The following C12orf50 variants were observed in gnomAD, a reference collection of about 807,000 sequenced individuals.
The protein encoded by C12orf50 is zinc finger CCCH-type containing 11D.
C12orf50 carries 35 observed loss-of-function variants against 61.6 expected under a neutral mutation model. That is an observed-to-expected ratio of 0.57 (90% CI 0.43 to 0.75). C12orf50 has a LOEUF of 0.75. Ranked by LOEUF, C12orf50 falls within the 30% of genes least tolerant of loss-of-function variation. The pLI is 0.00. For synonymous variants in C12orf50, 178 were observed against 161.5 expected, an observed-to-expected ratio of 1.10 and a Z score of -0.77; for missense variants, 475 against 488.5, an observed-to-expected ratio of 0.97 and a Z score of 0.26.
At chr12:88,011,093 A>G (rs2032091805) in intron 3 of C12orf50, among the ~76,000 whole-genome samples, 1 of 152,154 alleles carries the variant, frequency 6.6e-6, no homozygotes, top group Non-Finnish European at 1.5e-5. Flanking sequence ...GGGTGATCAC[A>G]TATATTTCAT....
Position 87,980,374 on chromosome 12 carries a change from A to G in C12orf50, c.1220-18T>C. The G allele has an allele frequency of 6.3e-7, 1 of 1,589,772 alleles. No individual in the cohort carries two copies. On this transcript the variant is annotated intron_variant, in intron 12 of 12. Transcript: ENST00000298699. ...TCTTGGCTCTAATAATAAAATACAC[A>G]AAATATTTCAATTATTTTCTTGTTT...
At chr12:87,986,547 C>G (rs940516573) in intron 9 of C12orf50, 131 bp from the exon 10 acceptor site, 6 of 519,600 alleles carry the variant, frequency 1.2e-5, no homozygotes, top group Middle Eastern at 5.1e-4. Context: ...CATCCTAACA[C>G]TTTACTTTTT....
intron 12 of C12orf50, among the ~76,000 whole-genome samples, chr12:87,981,593 GA>G (rs1371717641): frequency 8.5e-5 from 13 of 152,226 alleles, no homozygotes; most frequent in Admixed American, 3.9e-4. Flanking sequence ...CTCTCTGACA[GA>G]AGCAATCTGT....
intron 3 of C12orf50, among the ~76,000 whole-genome samples, chr12:88,004,271 C>T (rs545520209): frequency 2.4e-4 from 37 of 151,998 alleles, no homozygotes; most frequent in East Asian, 3.9e-4. Context: ...AAGACATATA[C>T]GCAGCCAACA....
intron 5 of C12orf50, 26 bp from the exon 6 acceptor site, chr12:87,996,513 G>A: frequency 6.3e-7 from 1 of 1,592,762 alleles, no homozygotes; most frequent in South Asian, 1.1e-5. Context: ...AAAAGTAATG[G>A]TTAGTATATT....
chr12:88,003,984 G>T (rs187939820), intron 3 of C12orf50, among the ~76,000 whole-genome samples: 2 of 150,606 alleles, frequency 1.3e-5, no homozygotes, highest in African/African-American at 4.9e-5. Flanking sequence ...TATAATCTCC[G>T]TTGATTTATC....
chr12:88,007,116 C>T (rs1030543156), intron 3 of C12orf50, among the ~76,000 whole-genome samples: 1 of 152,096 alleles, frequency 6.6e-6, no homozygotes, highest in Non-Finnish European at 1.5e-5. Flanking sequence ...ATCTAGTCAT[C>T]ACAATTTTTT....
At chr12:87,984,969 A>G (rs1343082224) in intron 11 of C12orf50, 3 of 152,170 alleles carry the variant, frequency 2.0e-5, no homozygotes, top group African/African-American at 4.8e-5. Flanking sequence ...ATACACATCC[A>G]TATATCATTC....
At chr12:88,015,844 T>A (rs2032293530) in intron 3 of C12orf50, among the ~76,000 whole-genome samples, 1 of 152,160 alleles carries the variant, frequency 6.6e-6, no homozygotes, top group South Asian at 2.1e-4. Flanking sequence ...ATAAAATATA[T>A]TTTAAAAGAG....
chr12:88,013,363 G>A (rs889083092), intron 3 of C12orf50, among the ~76,000 whole-genome samples: 4 of 152,080 alleles, frequency 2.6e-5, no homozygotes, highest in East Asian at 1.9e-4. Flanking sequence ...ATTCCTATAC[G>A]TACTAAATTT....
intron 6 of C12orf50, among the ~76,000 whole-genome samples, chr12:87,995,518 C>T (rs895164456): frequency 1.3e-5 from 2 of 151,932 alleles, no homozygotes; most frequent in African/African-American, 4.8e-5. Flanking sequence ...AAAATGCTAA[C>T]GTTTGAAGGA....
intron 3 of C12orf50, among the ~76,000 whole-genome samples, chr12:88,012,193 G>C (rs1397542318): frequency 6.6e-6 from 1 of 152,186 alleles, no homozygotes; most frequent in Non-Finnish European, 1.5e-5. Context: ...ACTTATGAGA[G>C]ACTACTATAT....
At chr12:87,983,937 T>C (rs1296606336) in intron 11 of C12orf50, 1 of 117,232 alleles carries the variant, frequency 8.5e-6, no homozygotes, top group Non-Finnish European at 2.1e-5. Flanking sequence ...ATGGTATTTC[T>C]AGTTCTAGAT....
intron 1 of C12orf50, among the ~76,000 whole-genome samples, 160 bp from the exon 2 acceptor site, chr12:88,027,230 TTAGTC>T (rs761390829): frequency 6.6e-6 from 1 of 152,204 alleles, no homozygotes; most frequent in Non-Finnish European, 1.5e-5. Flanking sequence ...TTTTAGCAAA[TTAGTC>T]TAACTTTAGT....
Position 87,986,041 on chromosome 12 carries a change from G to T in C12orf50, c.935C>A (p.Pro312Gln), listed in dbSNP as rs1378938076. ...ATAACTCATTTTATTTTGGGGTCTT[G>T]GGGCCTGTACTGCTGTAAAGAAAGG... Reference protein sequence around the residue: ...NSGMQRAVQAPRPQNKMSYHR... With the variant: ...NSGMQRAVQAQRPQNKMSYHR... Residue 312 changes from proline to glutamine, a missense_variant, in exon 11 of 13, where the codon CCA becomes CAA. By Grantham distance (76) the Pro-to-Gln change is moderately conservative. Coordinates refer to ENST00000298699, the MANE Select transcript of C12orf50 (RefSeq NM_152589.3). 1.9e-6 allele frequency: 3 copies of T among 1,613,564 alleles called. No individual in the cohort carries two copies. Among genetic ancestry groups the T allele is most frequent in the Non-Finnish European group, 2.5e-6 (3 of 1,179,772 alleles).
chr12:88,027,325 C>T (rs1011658688), intron 1 of C12orf50, among the ~76,000 whole-genome samples: 1 of 152,124 alleles, frequency 6.6e-6, no homozygotes, highest in Non-Finnish European at 1.5e-5. Flanking sequence ...TTTTGTTATT[C>T]GTTAATCCAT....
At chr12:88,014,358 G>T (rs1244412400) in intron 3 of C12orf50, among the ~76,000 whole-genome samples, 1 of 152,046 alleles carries the variant, frequency 6.6e-6, no homozygotes, top group Admixed American at 6.6e-5. Flanking sequence ...CTGGAGTGCA[G>T]TGGCGCGATT....
chr12:87,992,661 T>C (rs1463264135), intron 7 of C12orf50, among the ~76,000 whole-genome samples: 1 of 152,144 alleles, frequency 6.6e-6, no homozygotes, highest in Non-Finnish European at 1.5e-5. Flanking sequence ...AAAATTAGCC[T>C]ATAGTAATAG....
intron 7 of C12orf50, among the ~76,000 whole-genome samples, chr12:87,991,413 G>A (rs1341346015): frequency 6.6e-6 from 1 of 152,132 alleles, no homozygotes; most frequent in Non-Finnish European, 1.5e-5. Flanking sequence ...AGAACTGATG[G>A]AGAATTTAAG....
Sources: allele counts gnomAD v4.1 joint callset (sites outside exome capture counted in the v4.1 genomes callset), GRCh38; gene constraint gnomAD v4.1.1; transcripts MANE v1.5; gene names NCBI Gene and HGNC (gene_info 2026-07-23, HGNC 2026-07-21).